RASSF9: variants seen among roughly 807,000 people sequenced by gnomAD.
The protein encoded by RASSF9 is ras association domain-containing protein 9.
In RASSF9, 18 loss-of-function variants were observed where a neutral mutation model predicts 21.4. The observed-to-expected ratio is 0.84, with a 90% CI of 0.58 to 1.25. The LOEUF (loss-of-function observed/expected upper bound fraction) is 1.25. Among genes scored for constraint, RASSF9 ranks in the 50% most tolerant of loss-of-function variants. The probability of loss-of-function intolerance (pLI) is 0.00; values close to 1 mark genes in which losing one functional copy is unlikely to be tolerated. For missense variants in RASSF9, 480 were observed against 503.2 expected (o/e 0.95, Z 0.44); for synonymous variants, 183 against 179.1 (o/e 1.02, Z -0.18).
intron 1 of RASSF9, among the ~76,000 whole-genome samples, chr12:85,824,357 G>T (rs957946414): frequency 1.3e-5 from 2 of 151,300 alleles, no homozygotes; most frequent in Non-Finnish European, 2.9e-5. Context: ...ACCAATCACT[G>T]TTTGTTTTAT....
rs371007333 is a variant in RASSF9 at position 85,805,036 on chromosome 12, C to G, written c.974G>C (p.Ser325Thr). The G allele has an allele frequency of 1.9e-6, 3 of 1,613,864 alleles. No homozygotes were observed. The African/African-American group carries it at 4.0e-5, about 22-fold the overall frequency. Residue 325 changes from serine to threonine, a missense_variant, in exon 2 of 2, where the codon AGC (serine) becomes ACC (threonine). By Grantham distance (58) the Ser-to-Thr change is moderately conservative (BLOSUM62 1). Coordinates refer to ENST00000361228, the MANE Select transcript of RASSF9 (RefSeq NM_005447.4). ...LESVKCDLEK[S>T]MKAGLKIHSH... The stretch of plus-strand genomic sequence containing the variant: ...GTGAATTTTCAAACCAGCTTTCATG[C>G]TTTTCTCCAAATCACACTTAACACT...
chr12:85,817,592 A>G (rs1225497741), intron 1 of RASSF9, among the ~76,000 whole-genome samples: 1 of 151,952 alleles, frequency 6.6e-6, no homozygotes, highest in East Asian at 1.9e-4. Context: ...AGGTTACTTT[A>G]CCTCCAAATA....
chr12:85,816,097 G>A (rs1020724280), intron 1 of RASSF9, among the ~76,000 whole-genome samples: 11 of 151,988 alleles, frequency 7.2e-5, no homozygotes, highest in Non-Finnish European at 1.2e-4. Flanking sequence ...ATAAGAGGGC[G>A]CTAAATGATG....
intron 1 of RASSF9, 63 bp from the exon 2 acceptor site, chr12:85,806,025 T>C (rs1879824302): frequency 6.7e-7 from 1 of 1,497,096 alleles, no homozygotes. Flanking sequence ...AGAAAGATGG[T>C]TTAACATTAG....
rs575712241 is a variant in RASSF9, at chr12:85,818,886, G to A, written c.48-12924C>T. On this transcript the variant is annotated intron_variant, in intron 1 of 1. Transcript: ENST00000361228. ...AGGCAGGAGAATGGCGTGAACCCGG[G>A]AGGTGGAGCTTGCAGTGAGCTGATA... 4.0e-5 allele frequency among the ~76,000 whole-genome samples: 6 copies of A among 150,542 alleles called. No individual in the cohort carries two copies. The East Asian group carries it at 1.2e-3, about 29-fold the overall frequency.
At position 85,805,457 on chromosome 12, in the gene RASSF9, T is replaced by C. The variant is rs1879803146; in HGVS notation, c.553A>G (p.Thr185Ala). The C allele has an allele frequency of 1.9e-6, 3 of 1,613,888 alleles. No individual in the cohort carries two copies. Among genetic ancestry groups the C allele is most frequent in the Non-Finnish European group, 2.5e-6 (3 of 1,179,904 alleles). ...TGGGAAATGATCAGATGAACTAATG[T>C]CTCCATATTATCTCGATCATGAGAA... ...TVSHDRDNME[T>A]LVHLIISQDH... The change falls in exon 2 of 2, where the codon ACA becomes GCA. Residue 185 changes from threonine (T) to alanine (A), a missense_variant. Physicochemically the swap from Thr to Ala is moderately conservative, Grantham distance 58. Coordinates refer to ENST00000361228, the MANE Select transcript of RASSF9 (RefSeq NM_005447.4).
chr12:85,804,823 G>A lies in RASSF9; in HGVS notation c.1187C>T (p.Pro396Leu). The change falls in exon 2 of 2, where the codon CCC becomes CTC. Residue 396 changes from proline to leucine, a missense_variant. Pro to Leu is a moderately conservative substitution (Grantham distance 98, BLOSUM62 -3). Coordinates refer to ENST00000361228, the MANE Select transcript of RASSF9 (RefSeq NM_005447.4). ...EVPSSNGEIP[P>L]FTQRVFSNYT... is the part of the protein sequence containing the mutation. ...ATTGCTAAATACTCTTTGAGTAAAG[G>A]GAGGAATCTCCCCATTGCTACTGGG... 6.2e-7 allele frequency: 1 copy of A among 1,613,232 alleles called. No homozygotes were observed. Among genetic ancestry groups the A allele is most frequent in the Non-Finnish European group, 8.5e-7 (1 of 1,179,250 alleles).
At chr12:85,835,349 T>C (rs1880536035) in intron 1 of RASSF9, among the ~76,000 whole-genome samples, 1 of 152,098 alleles carries the variant, frequency 6.6e-6, no homozygotes, top group South Asian at 2.1e-4. Context: ...AACGTAACAT[T>C]TGATGTGTAA....
At chr12:85,817,026 A>G (rs1373831386) in intron 1 of RASSF9, among the ~76,000 whole-genome samples, 3 of 152,122 alleles carry the variant, frequency 2.0e-5, no homozygotes, top group African/African-American at 7.2e-5. Context: ...ACAAGATATT[A>G]TATTTCAGTA....
At chr12:85,834,537 G>A (rs1880519883) in intron 1 of RASSF9, among the ~76,000 whole-genome samples, 1 of 152,066 alleles carries the variant, frequency 6.6e-6, no homozygotes, top group Non-Finnish European at 1.5e-5. Context: ...AGGGGCGCAT[G>A]CAAAGTTTTA....
At chr12:85,816,745 T>G (rs1222860738) in intron 1 of RASSF9, among the ~76,000 whole-genome samples, 1 of 152,132 alleles carries the variant, frequency 6.6e-6, no homozygotes, top group African/African-American at 2.4e-5. Context: ...AGCACAGATT[T>G]TAATAACTTT....
At chr12:85,807,444 T>G (rs534426237) in intron 1 of RASSF9, among the ~76,000 whole-genome samples, 3 of 152,194 alleles carry the variant, frequency 2.0e-5, no homozygotes, top group Admixed American at 6.5e-5. Flanking sequence ...GAGGTAAAAC[T>G]AATTTATGCT....
chr12:85,822,919 G>A (rs1433806343), intron 1 of RASSF9, among the ~76,000 whole-genome samples: 2 of 151,868 alleles, frequency 1.3e-5, no homozygotes, highest in Non-Finnish European at 2.9e-5. Flanking sequence ...GTCTACTGCC[G>A]GCCAGGCACG....
Position 85,804,650 on chromosome 12 carries a change from A to T in RASSF9, c.*52T>A. On this transcript the variant is annotated 3_prime_UTR_variant, in exon 2 of 2. Coordinates refer to ENST00000361228, the MANE Select transcript of RASSF9 (RefSeq NM_005447.4). ...TATATTTAAAATGAGGTTTCCTATT[A>T]AATTAAACAAACATTAAAACATGAA... is the stretch of plus-strand genomic sequence containing the variant. 2 of 1,452,914 alleles carry T rather than the reference A, an allele frequency of 1.4e-6. No homozygotes were observed. Among genetic ancestry groups the T allele is most frequent in the South Asian group, 1.5e-5 (1 of 67,224 alleles). The allele number at this position is 1,452,914 out of a possible 1,614,324, so 90.0% of individuals were successfully genotyped here.
Position 85,802,393 on chromosome 12 carries a change from ATGATT to A in RASSF9, c.*2304_*2308del, listed in dbSNP as rs1389418903. On this transcript the variant is annotated 3_prime_UTR_variant, in exon 2 of 2. Transcript: ENST00000361228. ...GTAGCTGATGAAGGATTAAAACTTA[ATGATT>A]GTAGTGATCAAACGCACAAATACAT... 1 of 152,192 alleles carries A rather than the reference ATGATT, an allele frequency of 6.6e-6. No individual in the cohort carries two copies. The highest frequency in any genetic ancestry group is 1.5e-5 in the Non-Finnish European group (1 of 68,012). 9.4% of individuals were successfully genotyped at this position (152,192 alleles called of 1,614,324 possible). A position where few individuals can be genotyped will look rare whatever the true frequency, so the allele number is the denominator to read the frequency against.
At chr12:85,825,648 CTAGA>C (rs1315219076) in intron 1 of RASSF9, among the ~76,000 whole-genome samples, 2 of 151,856 alleles carry the variant, frequency 1.3e-5, no homozygotes, top group Admixed American at 6.6e-5. Context: ...AACTCTTGTC[CTAGA>C]TAATTTGGCT....
chr12:85,836,292 G>C lies in RASSF9; in HGVS notation c.-91C>G. ...TGGATTTCCAGGGTGAAGGGAGGAG[G>C]GCTGGAAGCTTTCTCTTCTCCTCGG... On this transcript the variant is annotated 5_prime_UTR_variant, in exon 1 of 2. Transcript: ENST00000361228. The C allele has an allele frequency of 4.6e-6, 7 of 1,522,214 alleles. No homozygotes were observed. The highest frequency in any genetic ancestry group is 5.3e-6 in the Non-Finnish European group (6 of 1,125,616). The allele number at this position is 1,522,214 out of a possible 1,614,324, so 94.3% of individuals were successfully genotyped here.
rs1002479654 is a variant in RASSF9 at position 85,802,266 on chromosome 12, A to G, written c.*2436T>C. The G allele has an allele frequency of 6.6e-6, 1 of 152,202 alleles. No homozygotes were observed. The highest frequency in any genetic ancestry group is 1.5e-5 in the Non-Finnish European group (1 of 68,032). 9.4% of individuals were successfully genotyped at this position (152,202 alleles called of 1,614,324 possible). ...ATAATTCCAATTCTCACTTAATTTAATAACAAATAGTTCAGTATCCAGACA... is the reference window on the plus strand; with the variant it reads ...ATAATTCCAATTCTCACTTAATTTAGTAACAAATAGTTCAGTATCCAGACA... On this transcript the variant is annotated 3_prime_UTR_variant, in exon 2 of 2. Transcript: ENST00000361228.
chr12:85,826,949 C>T (rs12308113), intron 1 of RASSF9, among the ~76,000 whole-genome samples: 5,630 of 152,186 alleles, frequency 0.037, 344 homozygotes, highest in African/African-American at 0.13. Context: ...ATTTCTTCCT[C>T]TTTCTCCTTT....
Sources: allele counts gnomAD v4.1 joint callset (sites outside exome capture counted in the v4.1 genomes callset), GRCh38; gene constraint gnomAD v4.1.1; transcripts MANE v1.5; gene names NCBI Gene and HGNC (gene_info 2026-07-23, HGNC 2026-07-21).